RALYL: variants seen among roughly 807,000 people sequenced by gnomAD.
The protein encoded by RALYL is RNA-binding Raly-like protein.
A neutral mutation model predicts 35.1 loss-of-function variants in RALYL; 29 were observed. That is an observed-to-expected ratio of 0.83 (90% CI 0.61 to 1.13). The LOEUF is 1.13. RALYL is among the 50% of genes most tolerant of loss of function. RALYL has a pLI of 0.00. For missense variants in RALYL, 359 were observed against 360.4 expected, an observed-to-expected ratio of 1.00 and a Z score of 0.03; for synonymous variants, 120 against 127.6, an observed-to-expected ratio of 0.94 and a Z score of 0.40.
At chr8:84,553,361 C>T (rs917819375) in intron 2 of RALYL, among the ~76,000 whole-genome samples, 13 of 152,130 alleles carry the variant, frequency 8.5e-5, no homozygotes, top group Admixed American at 3.9e-4. Context: ...TGGGATCTCA[C>T]GATGTTGCCC....
intron 2 of RALYL, among the ~76,000 whole-genome samples, chr8:84,568,143 C>T (rs1588227214): frequency 1.3e-5 from 2 of 149,570 alleles, no homozygotes; most frequent in East Asian, 4.0e-4. Context: ...TGGGGTGCTG[C>T]ACCCATTAAC....
At chr8:84,215,556 A>G (rs1024336294) in intron 1 of RALYL, among the ~76,000 whole-genome samples, 1 of 151,302 alleles carries the variant, frequency 6.6e-6, no homozygotes, top group African/African-American at 2.4e-5. Context: ...TTTTAATCCC[A>G]GGCCATATTT....
chr8:84,736,114 A>G (rs957135694), intron 2 of RALYL, among the ~76,000 whole-genome samples: 3 of 152,114 alleles, frequency 2.0e-5, no homozygotes, highest in Middle Eastern at 3.2e-3. Flanking sequence ...TTCATAACGA[A>G]CAAAGAATTA....
intron 2 of RALYL, among the ~76,000 whole-genome samples, chr8:84,755,449 G>T (rs1353539881): frequency 6.6e-6 from 1 of 152,104 alleles, no homozygotes; most frequent in Non-Finnish European, 1.5e-5. Flanking sequence ...CATATTTGCT[G>T]TATCACTGTA....
At chr8:84,894,103 C>T (rs1437591321) in intron 8 of RALYL, among the ~76,000 whole-genome samples, 2 of 152,108 alleles carry the variant, frequency 1.3e-5, no homozygotes, top group South Asian at 2.1e-4. Flanking sequence ...TTCTGGTACA[C>T]CATTGAAAAA....
At chr8:84,880,760 G>T (rs867517765) in intron 7 of RALYL, among the ~76,000 whole-genome samples, 1 of 151,876 alleles carries the variant, frequency 6.6e-6, no homozygotes, top group Non-Finnish European at 1.5e-5. Flanking sequence ...AATCAGTTAG[G>T]ACATTTTCAT....
intron 1 of RALYL, among the ~76,000 whole-genome samples, chr8:84,371,675 A>G (rs1482579305): frequency 6.6e-6 from 1 of 152,030 alleles, no homozygotes; most frequent in Non-Finnish European, 1.5e-5. Context: ...GCTTTGTGAA[A>G]TACTGTGCTG....
At chr8:84,475,457 A>C (rs938439541) in intron 1 of RALYL, among the ~76,000 whole-genome samples, 25 of 152,188 alleles carry the variant, frequency 1.6e-4, no homozygotes, top group Non-Finnish European at 8.8e-5. Flanking sequence ...ATTTTTAGAG[A>C]CATTTAAAAA....
chr8:84,314,384 AAGAAG>A (rs1398888286), intron 1 of RALYL, among the ~76,000 whole-genome samples: 5 of 152,200 alleles, frequency 3.3e-5, no homozygotes, highest in East Asian at 3.9e-4. Flanking sequence ...AGCAAATAAA[AAGAAG>A]AGAAAAGATA....
chr8:84,797,516 A>T (rs1447341264), intron 3 of RALYL, among the ~76,000 whole-genome samples: 2 of 152,194 alleles, frequency 1.3e-5, no homozygotes, highest in Non-Finnish European at 2.9e-5. Flanking sequence ...TGTTTGCGGA[A>T]GTGTGGTGGG....
At chr8:84,846,124 T>TTTG (rs1417427173) in intron 4 of RALYL, among the ~76,000 whole-genome samples, 2 of 152,182 alleles carry the variant, frequency 1.3e-5, no homozygotes, top group Non-Finnish European at 2.9e-5. Flanking sequence ...TTCAGGCTCT[T>TTTG]TTGTTGTTGT....
At chr8:84,802,954 GA>G (rs1823689340) in intron 3 of RALYL, among the ~76,000 whole-genome samples, 1 of 152,160 alleles carries the variant, frequency 6.6e-6, no homozygotes, top group African/African-American at 2.4e-5. Context: ...GCTAACTAAT[GA>G]GACATGGAGG....
chr8:84,687,389 G>A (rs1589012426), intron 2 of RALYL, among the ~76,000 whole-genome samples: 1 of 151,946 alleles, frequency 6.6e-6, no homozygotes, highest in South Asian at 2.1e-4. Flanking sequence ...GAAGCACATC[G>A]AATGGGAAAA....
chr8:84,800,607 C>T (rs1215001034), intron 3 of RALYL, among the ~76,000 whole-genome samples: 1 of 151,458 alleles, frequency 6.6e-6, no homozygotes, highest in South Asian at 2.1e-4. Flanking sequence ...ATTAAATTCA[C>T]TACCTATTTC....
chr8:84,420,086 G>A (rs559857120), intron 1 of RALYL, among the ~76,000 whole-genome samples: 1 of 151,626 alleles, frequency 6.6e-6, no homozygotes. Flanking sequence ...GGGTCAAATG[G>A]TATTTGTAGT....
At chr8:84,516,890 G>C (rs2058108392) in intron 1 of RALYL, among the ~76,000 whole-genome samples, 2 of 152,092 alleles carry the variant, frequency 1.3e-5, no homozygotes, top group Admixed American at 1.3e-4. Context: ...GTAATTTACT[G>C]TTTGAATACT....
chr8:84,747,538 T>C (rs986390149), intron 2 of RALYL, among the ~76,000 whole-genome samples: 7 of 151,920 alleles, frequency 4.6e-5, no homozygotes, highest in Non-Finnish European at 2.9e-5. Flanking sequence ...TACATCTGAT[T>C]ATCTCACCAT....
intron 1 of RALYL, among the ~76,000 whole-genome samples, chr8:84,282,056 CTG>C (rs1338197243): frequency 1.3e-5 from 2 of 152,082 alleles, no homozygotes; most frequent in Non-Finnish European, 2.9e-5. Flanking sequence ...ATGATAGTCT[CTG>C]TGGAAATCTC....
chr8:84,475,914 A>T (rs1587635770), intron 1 of RALYL, among the ~76,000 whole-genome samples: 2 of 152,222 alleles, frequency 1.3e-5, no homozygotes, highest in Admixed American at 6.5e-5. Context: ...AAGTTTTTAA[A>T]TTTGGCATTA....
Sources: gnomAD v4.1 joint callset for allele counts (sites outside exome capture counted in the v4.1 genomes callset) on GRCh38, gnomAD v4.1.1 for gene constraint, MANE v1.5 for transcripts, NCBI Gene and HGNC (gene_info 2026-07-23, HGNC 2026-07-21) for gene names.